KIAA1217: variants seen among roughly 807,000 people sequenced by gnomAD.
KIAA1217 encodes KIAA1217, also known as sickle tail protein homolog.
In KIAA1217, 88 loss-of-function variants were observed where a neutral mutation model predicts 163.9. The ratio of observed to expected loss-of-function variants is 0.54; its 90% confidence interval spans 0.45 to 0.64. KIAA1217 has a LOEUF of 0.64. KIAA1217 is among the 30% of genes least tolerant of loss of function. The pLI, the probability that KIAA1217 is intolerant of heterozygous loss-of-function variation, is 0.00. For missense variants in KIAA1217, 2,372 were observed against 2,475.0 expected (o/e 0.96, Z 0.88); for synonymous variants, 903 against 923.1 (o/e 0.98, Z 0.39).
chr10:23,896,958 C>T lies in KIAA1217; in HGVS notation c.-320-110267C>T, dbSNP rs1021719786. Reference sequence around the variant, plus strand: ...TTTGCTTCTTTGAGATATTGGCTGGCTTCTCTACTTTAATGAAAACACTTG... The same window carrying T: ...TTTGCTTCTTTGAGATATTGGCTGGTTTCTCTACTTTAATGAAAACACTTG... On this transcript the variant is annotated intron_variant, in intron 1 of 18. Coordinates refer to the KIAA1217 transcript ENST00000376462. Among the ~76,000 whole-genome samples, 7 of 152,080 alleles carry T rather than the reference C, an allele frequency of 4.6e-5. No individual in the cohort carries two copies. The South Asian group carries it at 6.2e-4, about 14-fold the overall frequency.
intron 2 of KIAA1217, among the ~76,000 whole-genome samples, chr10:24,253,410 C>A (rs2074779270): frequency 6.6e-6 from 1 of 152,120 alleles, no homozygotes; most frequent in Admixed American, 6.5e-5. Flanking sequence ...CCAATGCAGG[C>A]CACTTACAGA....
chr10:24,226,156 GAA>G (rs957150399), intron 2 of KIAA1217, among the ~76,000 whole-genome samples: 1 of 144,650 alleles, frequency 6.9e-6, no homozygotes. Context: ...AGGTCTCCAG[GAA>G]AAAAAAAAAG....
intron 2 of KIAA1217, chr10:24,042,330 G>C (rs1230355327): frequency 6.6e-6 from 1 of 151,462 alleles, no homozygotes; most frequent in Non-Finnish European, 1.5e-5. Context: ...CTCTAATGCA[G>C]CTTCTAAGCT....
chr10:24,375,484 T>C (rs766141681), intron 2 of KIAA1217, among the ~76,000 whole-genome samples: 2 of 152,234 alleles, frequency 1.3e-5, no homozygotes, highest in Non-Finnish European at 2.9e-5. Flanking sequence ...GGATGATTTA[T>C]TTGTTAATTT....
chr10:24,529,402 GC>G (rs1254682316), intron 14 of KIAA1217, among the ~76,000 whole-genome samples: 1 of 152,030 alleles, frequency 6.6e-6, no homozygotes, highest in East Asian at 1.9e-4. Context: ...CTAATACAAT[GC>G]CTACACATTA....
chr10:24,275,353 G>T (rs1432342354), intron 2 of KIAA1217, among the ~76,000 whole-genome samples: 1 of 152,114 alleles, frequency 6.6e-6, no homozygotes, highest in Non-Finnish European at 1.5e-5. Context: ...GACACAAAAA[G>T]ACACAAAAAT....
intron 1 of KIAA1217, among the ~76,000 whole-genome samples, chr10:23,811,372 G>T (rs886880244): frequency 1.1e-4 from 17 of 149,514 alleles, no homozygotes; most frequent in Non-Finnish European, 2.1e-4. Flanking sequence ...AATTTTGGGG[G>T]GCAAGAAAGA....
intron 2 of KIAA1217, among the ~76,000 whole-genome samples, chr10:24,039,438 G>T (rs576165935): frequency 6.6e-6 from 1 of 152,050 alleles, no homozygotes; most frequent in African/African-American, 2.4e-5. Flanking sequence ...ATACTCCCTC[G>T]ATATGCTGGG....
intron 2 of KIAA1217, among the ~76,000 whole-genome samples, chr10:24,291,461 C>A (rs1373423959): frequency 6.6e-6 from 1 of 152,136 alleles, no homozygotes. Flanking sequence ...ACCTGGGAGG[C>A]GGAGGTTCTA....
chr10:24,428,062 G>C (rs1475346204), intron 3 of KIAA1217, among the ~76,000 whole-genome samples: 1 of 151,912 alleles, frequency 6.6e-6, no homozygotes, highest in African/African-American at 2.4e-5. Flanking sequence ...TTTTTTTCCT[G>C]CTCCAGAGAC....
intron 3 of KIAA1217, among the ~76,000 whole-genome samples, chr10:24,431,367 A>G (rs1216414984): frequency 6.6e-6 from 1 of 152,230 alleles, no homozygotes; most frequent in Non-Finnish European, 1.5e-5. Context: ...TTTCTGAATA[A>G]CAAATCACCC....
At chr10:24,233,347 A>C (rs2071722549) in intron 2 of KIAA1217, among the ~76,000 whole-genome samples, 1 of 152,168 alleles carries the variant, frequency 6.6e-6, no homozygotes, top group Non-Finnish European at 1.5e-5. Context: ...AAGGGAGAGC[A>C]TTCATCCCAT....
Position 24,387,829 on chromosome 10 carries a change from T to G in KIAA1217, c.553+6762T>G, listed in dbSNP as rs2130712571. On this transcript the variant is annotated intron_variant, in intron 3 of 20. Transcript: ENST00000376454. ...ATTGCTTCAAAGAGAATAAAATACC[T>G]AGGAATCCAACTTACAAGGGATGTG... 2.0e-5 allele frequency among the ~76,000 whole-genome samples: 3 copies of G among 151,870 alleles called. No homozygotes were observed. The East Asian group carries it at 5.8e-4, about 29-fold the overall frequency.
intron 2 of KIAA1217, among the ~76,000 whole-genome samples, chr10:24,266,188 C>T (rs979512180): frequency 1.4e-4 from 21 of 151,732 alleles, no homozygotes; most frequent in Non-Finnish European, 2.8e-4. Flanking sequence ...AAGCAATTCT[C>T]CTGCCTCAGC....
At chr10:23,809,616 A>T (rs1836896506) in intron 1 of KIAA1217, among the ~76,000 whole-genome samples, 2 of 152,042 alleles carry the variant, frequency 1.3e-5, no homozygotes, top group Non-Finnish European at 2.9e-5. Context: ...CTTGTAAAAG[A>T]CAAAAACCTT....
chr10:24,544,555 G>T, intron 19 of KIAA1217, 74 bp downstream of exon 19: 1 of 1,505,450 alleles, frequency 6.6e-7, no homozygotes, highest in Non-Finnish European at 8.9e-7. Context: ...TTAGTGAAAG[G>T]TGTCTTGTAA....
intron 1 of KIAA1217, among the ~76,000 whole-genome samples, chr10:23,810,676 G>A (rs533587439): frequency 2.2e-4 from 28 of 126,118 alleles, no homozygotes; most frequent in African/African-American, 8.7e-4. Context: ...TCTATATATA[G>A]TATGCTATAT....
intron 2 of KIAA1217, among the ~76,000 whole-genome samples, chr10:24,136,058 A>T (rs2063821186): frequency 6.6e-6 from 1 of 152,190 alleles, no homozygotes; most frequent in Non-Finnish European, 1.5e-5. Context: ...TTTTGCAAAG[A>T]AAGAGGGGTA....
At chr10:24,437,544 T>C (rs1174460099) in intron 4 of KIAA1217, among the ~76,000 whole-genome samples, 1 of 152,170 alleles carries the variant, frequency 6.6e-6, no homozygotes, top group African/African-American at 2.4e-5. Context: ...GGGATCACAG[T>C]GTAGACAGAG....
Sources: allele counts gnomAD v4.1 joint callset (sites outside exome capture counted in the v4.1 genomes callset), GRCh38; gene constraint gnomAD v4.1.1; transcripts MANE v1.5; gene names NCBI Gene and HGNC (gene_info 2026-07-23, HGNC 2026-07-21).